The following SLC25A21 variants were observed in gnomAD, a reference collection of about 807,000 sequenced individuals.
SLC25A21 encodes the protein mitochondrial 2-oxodicarboxylate carrier.
Under a neutral mutation model 43.8 loss-of-function variants are expected in SLC25A21, and 47 were observed. The observed-to-expected ratio is 1.07, with a 90% CI of 0.85 to 1.37. The LOEUF (loss-of-function observed/expected upper bound fraction) is 1.37, where lower values mean the gene tolerates loss of function less well. Ranked by LOEUF, SLC25A21 falls within the 40% of genes most tolerant of loss-of-function variation. SLC25A21 has a pLI of 0.00. For missense variants in SLC25A21, 352 were observed against 350.2 expected (o/e 1.00, Z -0.04); for synonymous variants, 131 against 121.3 (o/e 1.08, Z -0.52).
intron 3 of SLC25A21, among the ~76,000 whole-genome samples, chr14:36,754,413 G>T (rs1223977462): frequency 2.6e-5 from 4 of 152,120 alleles, no homozygotes; most frequent in African/African-American, 9.7e-5. Context: ...AAATAAGGTG[G>T]GTGGGTGAGG....
intron 3 of SLC25A21, among the ~76,000 whole-genome samples, chr14:36,747,965 ATGT>A (rs1310141004): frequency 1.3e-5 from 2 of 152,232 alleles, no homozygotes; most frequent in East Asian, 3.8e-4. Context: ...AGGGAGGGAT[ATGT>A]TAGAAACAAA....
chr14:36,731,195 G>A, intron 4 of SLC25A21, among the ~76,000 whole-genome samples: 1 of 152,104 alleles, frequency 6.6e-6, no homozygotes, highest in East Asian at 1.9e-4. Context: ...GGATGGTCTC[G>A]ATCTCCTGAC....
intron 1 of SLC25A21, among the ~76,000 whole-genome samples, chr14:36,997,863 G>T (rs1960406870): frequency 6.6e-6 from 1 of 151,802 alleles, no homozygotes; most frequent in Non-Finnish European, 1.5e-5. Context: ...TTCAGAGAGT[G>T]CTTTCATCCA....
intron 3 of SLC25A21, among the ~76,000 whole-genome samples, chr14:36,768,718 G>A (rs74044969): frequency 0.044 from 6,702 of 152,218 alleles, 496 homozygotes; most frequent in African/African-American, 0.15. Flanking sequence ...GGCAATGGAA[G>A]TCATATTATA....
At chr14:36,865,902 A>G (rs1425783382) in intron 2 of SLC25A21, among the ~76,000 whole-genome samples, 6 of 127,600 alleles carry the variant, frequency 4.7e-5, no homozygotes, top group Admixed American at 4.6e-4. Flanking sequence ...TTCAGAATTC[A>G]CCCAGTGATT....
chr14:36,710,047 T>C (rs1360664696), intron 7 of SLC25A21, among the ~76,000 whole-genome samples: 1 of 152,152 alleles, frequency 6.6e-6, no homozygotes, highest in Non-Finnish European at 1.5e-5. Context: ...CTTGCATCTG[T>C]AAGTTACCAT....
intron 3 of SLC25A21, among the ~76,000 whole-genome samples, chr14:36,765,810 G>A (rs1324505265): frequency 5.3e-5 from 8 of 151,860 alleles, no homozygotes; most frequent in East Asian, 3.9e-4. Flanking sequence ...TCACCTTCTC[G>A]CCCCTCCATA....
chr14:36,856,734 A>G (rs1889910266), intron 2 of SLC25A21, among the ~76,000 whole-genome samples: 1 of 152,222 alleles, frequency 6.6e-6, no homozygotes, highest in Non-Finnish European at 1.5e-5. Context: ...CAATTCTGCT[A>G]GAATCTGAAT....
At chr14:37,116,557 C>T (rs927083809) in intron 1 of SLC25A21, among the ~76,000 whole-genome samples, 1 of 152,006 alleles carries the variant, frequency 6.6e-6, no homozygotes, top group African/African-American at 2.4e-5. Flanking sequence ...GTGATTAAAA[C>T]CTACAGTGAA....
chr14:36,939,112 C>T (rs1892495016), intron 1 of SLC25A21, among the ~76,000 whole-genome samples: 1 of 152,132 alleles, frequency 6.6e-6, no homozygotes, highest in African/African-American at 2.4e-5. Context: ...TTTCATATAA[C>T]AGCTTTACTT....
At chr14:37,106,307 T>G (rs1383949508) in intron 1 of SLC25A21, among the ~76,000 whole-genome samples, 2 of 152,098 alleles carry the variant, frequency 1.3e-5, no homozygotes, top group African/African-American at 4.8e-5. Flanking sequence ...AGGAGAGATA[T>G]TGCTAAATTA....
chr14:37,113,597 T>G (rs8008737), intron 1 of SLC25A21, among the ~76,000 whole-genome samples: 20,952 of 152,110 alleles, frequency 0.14, 3,279 homozygotes, highest in African/African-American at 0.36. Flanking sequence ...CTCACACCAG[T>G]AATCCCAGCA....
chr14:36,883,198 T>C (rs1157628038), intron 1 of SLC25A21, among the ~76,000 whole-genome samples: 2 of 152,116 alleles, frequency 1.3e-5, no homozygotes, highest in Admixed American at 6.6e-5. Context: ...CCCAGCTTCA[T>C]TACTCCTCTC....
At chr14:36,689,384 C>T (rs1418126781) in intron 7 of SLC25A21, among the ~76,000 whole-genome samples, 2 of 152,136 alleles carry the variant, frequency 1.3e-5, no homozygotes, top group African/African-American at 2.4e-5. Flanking sequence ...ACCATATCAG[C>T]TTCTGTGTCT....
Position 37,112,693 on chromosome 14 carries a change from G to A in SLC25A21, c.70+59588C>T, listed in dbSNP as rs114445019. On this transcript the variant is annotated intron_variant, in intron 1 of 9. Transcript: ENST00000331299. ...GTATTAAGGAAGTGGCTTTCCCTCC[G>A]TTCTTATGACTATCCACCATCAATT... Among the ~76,000 whole-genome samples the A allele has an allele frequency of 3.2e-3, 481 of 152,214 alleles. 1 individual carries two copies. Among genetic ancestry groups the A allele is most frequent in the African/African-American group, 0.011 (442 of 41,516 alleles).
chr14:37,046,729 T>G (rs1385692706), intron 1 of SLC25A21, among the ~76,000 whole-genome samples: 1 of 152,196 alleles, frequency 6.6e-6, no homozygotes, highest in Non-Finnish European at 1.5e-5. Context: ...ATGATTGTGC[T>G]CTGCCCTTTT....
intron 1 of SLC25A21, among the ~76,000 whole-genome samples, chr14:36,878,242 A>G (rs572211662): frequency 6.6e-6 from 1 of 152,318 alleles, no homozygotes; most frequent in Non-Finnish European, 1.5e-5. Flanking sequence ...AAACTGTGAC[A>G]TGGCCAAAAG....
intron 1 of SLC25A21, among the ~76,000 whole-genome samples, chr14:37,147,578 T>C (rs533283566): frequency 6.0e-4 from 90 of 150,610 alleles, no homozygotes; most frequent in African/African-American, 2.1e-3. Context: ...GGCTTAGGAA[T>C]CCTAAATGCC....
chr14:36,917,255 C>A (rs1195700160), intron 1 of SLC25A21, among the ~76,000 whole-genome samples: 3 of 152,114 alleles, frequency 2.0e-5, no homozygotes, highest in African/African-American at 7.2e-5. Flanking sequence ...CAGGCCTTCA[C>A]CCCTACCCTG....
Sources: gnomAD v4.1 joint callset for allele counts (sites outside exome capture counted in the v4.1 genomes callset) on GRCh38, gnomAD v4.1.1 for gene constraint, MANE v1.5 for transcripts, NCBI Gene and HGNC (gene_info 2026-07-23, HGNC 2026-07-21) for gene names.